Variants in GLIS3 observed in about 807,000 individuals in gnomAD.
GLIS3 encodes GLIS family zinc finger 3.
Under a neutral mutation model 78.6 loss-of-function variants are expected in GLIS3, and 53 were observed. That is an observed-to-expected ratio of 0.67 (90% CI 0.54 to 0.85). The LOEUF is 0.85. Ranked by LOEUF, GLIS3 falls within the 40% of genes least tolerant of loss-of-function variation. The pLI is 0.00. For synonymous variants in GLIS3, 684 were observed against 509.9 expected (o/e 1.34, Z -4.60); for missense variants, 1,703 against 1,231.1 (o/e 1.38, Z -5.74).
chr9:3,956,522 G>C (rs1278972257), intron 4 of GLIS3, among the ~76,000 whole-genome samples: 1 of 152,106 alleles, frequency 6.6e-6, no homozygotes, highest in African/African-American at 2.4e-5. Flanking sequence ...GAAGCCAAAG[G>C]GCTTGGAGAC....
chr9:4,218,399 C>G (rs932288668), intron 2 of GLIS3, among the ~76,000 whole-genome samples: 6 of 152,290 alleles, frequency 3.9e-5, no homozygotes, highest in Admixed American at 1.3e-4. Flanking sequence ...CTGCCTCAGC[C>G]TCCTGAGTAG....
chr9:4,344,692 G>C (rs1817876974), intron 2 of GLIS3, among the ~76,000 whole-genome samples: 2 of 152,110 alleles, frequency 1.3e-5, no homozygotes, highest in Admixed American at 1.3e-4. Flanking sequence ...GTTTCACTTG[G>C]ATGACCAAGA....
At chr9:4,362,539 C>G in the GLIS3 span, among the ~76,000 whole-genome samples, 8 of 152,208 alleles carry the variant, frequency 5.3e-5, no homozygotes, top group African/African-American at 1.9e-4. Flanking sequence ...AAACAGCACT[C>G]AAAAACAGGC....
chr9:3,951,894 A>G (rs1364566065), intron 4 of GLIS3, among the ~76,000 whole-genome samples: 2 of 146,838 alleles, frequency 1.4e-5, no homozygotes, highest in East Asian at 2.0e-4. Context: ...ACGCACGCAC[A>G]CACCCACTGG....
intron 2 of GLIS3, among the ~76,000 whole-genome samples, chr9:4,198,177 A>C (rs935768495): frequency 7.9e-5 from 12 of 152,216 alleles, no homozygotes; most frequent in Non-Finnish European, 4.4e-5. Context: ...CAGTTATGGC[A>C]GATAAAGAAT....
upstream of GLIS3, among the ~76,000 whole-genome samples, chr9:4,350,194 T>C (rs1011127323): frequency 2.6e-5 from 4 of 152,186 alleles, no homozygotes; most frequent in African/African-American, 9.6e-5. Context: ...GGAGACTCCC[T>C]TCCTCCACCA....
At chr9:4,401,702 A>C in the GLIS3 span, among the ~76,000 whole-genome samples, 2 of 149,624 alleles carry the variant, frequency 1.3e-5, no homozygotes, top group Non-Finnish European at 1.5e-5. Context: ...AGTGATTCTC[A>C]TGCCTCAGCC....
chr9:4,192,284 T>C (rs991718224), intron 2 of GLIS3, among the ~76,000 whole-genome samples: 3 of 152,214 alleles, frequency 2.0e-5, no homozygotes, highest in African/African-American at 7.2e-5. Context: ...TTTCTTGAGA[T>C]GAAATGTGGG....
the GLIS3 span, among the ~76,000 whole-genome samples, chr9:4,441,673 C>T: frequency 3.9e-5 from 6 of 152,088 alleles, no homozygotes; most frequent in Non-Finnish European, 7.3e-5. Context: ...GTCATGTGAT[C>T]TCGGCTCCCT....
chr9:4,077,144 C>G (rs1205801831), intron 4 of GLIS3, among the ~76,000 whole-genome samples: 1 of 152,152 alleles, frequency 6.6e-6, no homozygotes, highest in Non-Finnish European at 1.5e-5. Context: ...AAGCAATCCC[C>G]TATTATTGAA....
At chr9:4,473,460 C>A in the GLIS3 span, among the ~76,000 whole-genome samples, 44,163 of 128,344 alleles carry the variant, frequency 0.34, 9,172 homozygotes, top group Middle Eastern at 0.49. Context: ...ACAACAACAA[C>A]AAAAAAAAAG....
chr9:4,143,125 A>T (rs1051789489), intron 2 of GLIS3, among the ~76,000 whole-genome samples: 4 of 152,146 alleles, frequency 2.6e-5, no homozygotes, highest in Non-Finnish European at 5.9e-5. Flanking sequence ...GTGTAAATGT[A>T]AGATGTATAA....
chr9:4,461,496 C>A, the GLIS3 span, among the ~76,000 whole-genome samples: 7 of 152,124 alleles, frequency 4.6e-5, no homozygotes, highest in Non-Finnish European at 1.0e-4. Flanking sequence ...TGCCTCTACT[C>A]TTTCCTCAAC....
chr9:4,148,469 T>A (rs1025435399), intron 2 of GLIS3, among the ~76,000 whole-genome samples: 2 of 152,142 alleles, frequency 1.3e-5, no homozygotes, highest in Non-Finnish European at 2.9e-5. Flanking sequence ...AGGTTTACAG[T>A]GCTCTATTCC....
Position 3,827,543 on chromosome 9 carries a change from C to T in GLIS3, c.*729G>A, listed in dbSNP as rs1817788769. 1 of 152,554 alleles carries T rather than the reference C, an allele frequency of 6.6e-6. No individual in the cohort carries two copies. Among genetic ancestry groups the T allele is most frequent in the Non-Finnish European group, 1.5e-5 (1 of 68,368 alleles). 9.5% of individuals were successfully genotyped at this position (152,554 alleles called of 1,614,324 possible). Reference sequence around the variant, plus strand: ...GGGGCCAGGCAGAACCACAGCTGTGCAAAATGTCTATAGCTGGGGTGATTA... The same window carrying T: ...GGGGCCAGGCAGAACCACAGCTGTGTAAAATGTCTATAGCTGGGGTGATTA... On this transcript the variant is annotated 3_prime_UTR_variant, in exon 11 of 11. Coordinates refer to ENST00000381971, the MANE Select transcript of GLIS3 (RefSeq NM_001042413.2).
At position 4,076,533 on chromosome 9, in the gene GLIS3, A is replaced by C. The variant is rs552025748; in HGVS notation, c.1710+41235T>G. On this transcript the variant is annotated intron_variant, in intron 4 of 10. Transcript: ENST00000381971. Reference sequence around the variant, plus strand: ...ATATTCTAATGAACTGTAAATTGTAAACTATATTTAAAATACAAATAAGTA... The same window carrying C: ...ATATTCTAATGAACTGTAAATTGTACACTATATTTAAAATACAAATAAGTA... Among the ~76,000 whole-genome samples, 9 of 152,334 alleles carry C rather than the reference A, an allele frequency of 5.9e-5. No individual in the cohort carries two copies. In the South Asian group the frequency reaches 1.9e-3, roughly 32 times the overall value.
chr9:4,129,262 C>T (rs474296), intron 2 of GLIS3, among the ~76,000 whole-genome samples: 2 of 151,932 alleles, frequency 1.3e-5, no homozygotes, highest in African/African-American at 4.8e-5. Context: ...TGGGGACTTA[C>T]GCAAATTACT....
At chr9:4,032,572 G>A (rs1359457197) in intron 4 of GLIS3, among the ~76,000 whole-genome samples, 1 of 152,168 alleles carries the variant, frequency 6.6e-6, no homozygotes, top group Non-Finnish European at 1.5e-5. Context: ...TATATATCAT[G>A]TAGCAGCCTA....
intron 2 of GLIS3, among the ~76,000 whole-genome samples, chr9:4,152,791 GA>G (rs563459897): frequency 2.0e-5 from 3 of 152,056 alleles, no homozygotes; most frequent in Admixed American, 6.5e-5. Context: ...AAAATATAAT[GA>G]AAAAAAGAAT....
Sources: allele counts gnomAD v4.1 joint callset (sites outside exome capture counted in the v4.1 genomes callset), GRCh38; gene constraint gnomAD v4.1.1; transcripts MANE v1.5; gene names NCBI Gene and HGNC (gene_info 2026-07-23, HGNC 2026-07-21).